DMXL2: variants seen among roughly 807,000 people sequenced by gnomAD.
DMXL2 encodes Dmx like 2.
Under a neutral mutation model 331.1 loss-of-function variants are expected in DMXL2, and 103 were observed. The observed-to-expected ratio is 0.31, with a 90% CI of 0.27 to 0.37. DMXL2 has a LOEUF of 0.37. Among genes scored for constraint, DMXL2 ranks in the 10% least tolerant of loss-of-function variants. The probability of loss-of-function intolerance (pLI) is 1.00; values close to 1 mark genes in which losing one functional copy is unlikely to be tolerated. For missense variants in DMXL2, 3,171 were observed against 3,642.9 expected (o/e 0.87, Z 3.33); for synonymous variants, 1,281 against 1,252.1 (o/e 1.02, Z -0.49).
At chr15:51,531,745 C>A (rs1214488710) in intron 13 of DMXL2, among the ~76,000 whole-genome samples, 1 of 152,076 alleles carries the variant, frequency 6.6e-6, no homozygotes, top group Non-Finnish European at 1.5e-5. Flanking sequence ...AGAAGACATA[C>A]AAATGGCAAA....
chr15:51,472,224 A>G (rs748994189), intron 28 of DMXL2, among the ~76,000 whole-genome samples: 3 of 152,064 alleles, frequency 2.0e-5, no homozygotes, highest in Non-Finnish European at 4.4e-5. Context: ...ATTTTATCTC[A>G]ACTCTTCTAT....
At chr15:51,501,944 A>G (rs1470170703) in intron 17 of DMXL2, among the ~76,000 whole-genome samples, 2 of 138,758 alleles carry the variant, frequency 1.4e-5, no homozygotes, top group Non-Finnish European at 3.1e-5. Context: ...AAATTTCATT[A>G]TTTTGGCCGG....
At position 51,471,208 on chromosome 15, in the gene DMXL2, C is replaced by A. The variant is rs767792550; in HGVS notation, c.7392+15G>T. The stretch of plus-strand genomic sequence containing the variant: ...ATAGACTTCTCTTAAAGCTTGCATT[C>A]CTCACACTCCTTACCTTTGCAACAA... On this transcript the variant is annotated intron_variant, in intron 29 of 43. Coordinates refer to ENST00000560891, the MANE Select transcript of DMXL2 (RefSeq NM_001378457.1). 5.6e-6 allele frequency: 9 copies of A among 1,605,078 alleles called. No homozygotes were observed. The Admixed American group carries it at 1.3e-4, about 24-fold the overall frequency.
intron 1 of DMXL2, among the ~76,000 whole-genome samples, chr15:51,585,762 A>G (rs1314418157): frequency 6.6e-6 from 1 of 152,172 alleles, no homozygotes; most frequent in Admixed American, 6.5e-5. Flanking sequence ...TCCCTGTTCT[A>G]ATTTGTATTT....
Position 51,537,769 on chromosome 15 carries a change from A to G in DMXL2, c.1346-10T>C. On this transcript the variant is annotated splice_polypyrimidine_tract_variant and intron_variant, in intron 10 of 43. Transcript: ENST00000560891. ...CTATCCAGGGATAAATCTGAACCAG[A>G]AAATATATTTATCAATACAAGCATT... 7 of 1,607,096 alleles carry G rather than the reference A, an allele frequency of 4.4e-6. No individual in the cohort carries two copies. Among genetic ancestry groups the G allele is most frequent in the Non-Finnish European group, 5.1e-6 (6 of 1,176,066 alleles).
intron 20 of DMXL2, among the ~76,000 whole-genome samples, chr15:51,490,551 A>G (rs1215488845): frequency 1.3e-5 from 2 of 152,244 alleles, no homozygotes; most frequent in Admixed American, 1.3e-4. Context: ...GAAAAGGCAC[A>G]GGCTAAATCT....
intron 23 of DMXL2, among the ~76,000 whole-genome samples, chr15:51,484,717 C>A (rs118049166): frequency 6.6e-6 from 1 of 152,134 alleles, no homozygotes; most frequent in Non-Finnish European, 1.5e-5. Context: ...TCTCCAGTAA[C>A]AGACCTTAGT....
At chr15:51,583,113 T>G (rs1480435188) in intron 1 of DMXL2, among the ~76,000 whole-genome samples, 3 of 40,268 alleles carry the variant, frequency 7.5e-5, no homozygotes, top group African/African-American at 2.1e-4. Flanking sequence ...CTTCTTTTTT[T>G]TTTTTTTCTT....
chr15:51,552,995 C>G (rs2049316378), intron 6 of DMXL2, among the ~76,000 whole-genome samples: 2 of 152,194 alleles, frequency 1.3e-5, no homozygotes, highest in South Asian at 2.1e-4. Flanking sequence ...CACTCTTTCC[C>G]CTGAACTTCA....
At chr15:51,456,615 T>C (rs562562380) in intron 37 of DMXL2, among the ~76,000 whole-genome samples, 2 of 152,276 alleles carry the variant, frequency 1.3e-5, no homozygotes, top group East Asian at 3.9e-4. Flanking sequence ...ATAAAGGAAC[T>C]CTTCTTCAAG....
rs1330688107 is a variant in DMXL2, at chr15:51,476,674, T to A, written c.6879A>T (p.Gly2293=). 2 of 1,609,564 alleles carry A rather than the reference T, an allele frequency of 1.2e-6. No homozygotes were observed. Among genetic ancestry groups the A allele is most frequent in the Admixed American group, 1.7e-5 (1 of 59,014 alleles). The part of the protein sequence containing the change: ...GNQFTGMAYQ[G]LLLSDRRRLR... ...GTCTTCTACGATCACTTAAAAGAAG[T>A]CCTTGATAAGCCATTCCTGTAAACT... Residue 2293 remains glycine, a synonymous_variant, in exon 27 of 44, where the codon GGA becomes GGT. Transcript: ENST00000560891.
At chr15:51,472,926 A>C (rs1408990548) in intron 28 of DMXL2, among the ~76,000 whole-genome samples, 2 of 152,142 alleles carry the variant, frequency 1.3e-5, no homozygotes, top group Non-Finnish European at 2.9e-5. Flanking sequence ...CTTTAGAACA[A>C]CTAACGCTTT....
Position 51,622,684 on chromosome 15 carries a change from C to A in DMXL2, c.-139G>T, listed in dbSNP as rs2054737715. On this transcript the variant is annotated 5_prime_UTR_variant, in exon 1 of 44. Transcript: ENST00000560891. ...CGGAGGCTCTGGCTTAACTCCTCGC[C>A]CCCCTTTCGCCTTCCCTCCGCCTCG... The A allele has an allele frequency of 7.1e-6, 10 of 1,410,736 alleles. No homozygotes were observed. Among genetic ancestry groups the A allele is most frequent in the Non-Finnish European group, 8.4e-6 (9 of 1,074,842 alleles). 87.4% of individuals were successfully genotyped at this position (1,410,736 alleles called of 1,614,324 possible). A position where few individuals can be genotyped will look rare whatever the true frequency, so the allele number is the denominator to read the frequency against.
chr15:51,606,662 T>C (rs536739567), intron 1 of DMXL2, among the ~76,000 whole-genome samples: 1 of 152,344 alleles, frequency 6.6e-6, no homozygotes, highest in East Asian at 1.9e-4. Flanking sequence ...GGCCTTAGGT[T>C]ATTCCTAAAA....
chr15:51,553,492 A>G (rs887177826), intron 6 of DMXL2, among the ~76,000 whole-genome samples: 1 of 152,164 alleles, frequency 6.6e-6, no homozygotes, highest in African/African-American at 2.4e-5. Flanking sequence ...AAAATCAAAC[A>G]ATATATATGT....
At position 51,480,624 on chromosome 15, in the gene DMXL2, T is replaced by A. The variant is rs779062720; in HGVS notation, c.6482A>T (p.Tyr2161Phe). The change falls in exon 24 of 44, where the codon TAC becomes TTC. Residue 2161 changes from tyrosine to phenylalanine, a missense_variant. Coordinates refer to ENST00000560891, the MANE Select transcript of DMXL2 (RefSeq NM_001378457.1). Reference protein sequence around the residue: ...NQDLLRVFLSYCSLHGAQGGG... With the variant: ...NQDLLRVFLSFCSLHGAQGGG... ...ACCTTGGGCCCCATGAAGGCTACAG[T>A]AGCTGAGAAATACTCTCAGGAGATC... 1.2e-6 allele frequency: 2 copies of A among 1,607,508 alleles called. No individual in the cohort carries two copies. Among genetic ancestry groups the A allele is most frequent in the South Asian group, 2.2e-5 (2 of 90,670 alleles).
chr15:51,564,762 T>C (rs1395200159), intron 4 of DMXL2, among the ~76,000 whole-genome samples: 1 of 152,100 alleles, frequency 6.6e-6, no homozygotes, highest in East Asian at 1.9e-4. Flanking sequence ...AATGATAAAA[T>C]GAGGTGAAGT....
At position 51,498,787 on chromosome 15, in the gene DMXL2, C is replaced by T. The variant is rs183800427; in HGVS notation, c.4437G>A (p.Thr1479=). ...TTTCAGGCTCTAAATCAATATCATC[C>T]GTTGGTATATCCTGGATTTGAAACA... ...SELFQIQDIP[T]DDIDLEPEKR... The change falls in exon 18 of 44, where the codon ACG becomes ACA. Residue 1479 remains threonine, a synonymous_variant. Coordinates refer to ENST00000560891, the MANE Select transcript of DMXL2 (RefSeq NM_001378457.1). The T allele has an allele frequency of 3.1e-6, 5 of 1,614,074 alleles. No homozygotes were observed. The highest frequency in any genetic ancestry group is 2.2e-5 in the East Asian group (1 of 44,870).
In DMXL2 at chr15:51,499,933, A is replaced by G; in HGVS notation, c.3291T>C (p.Ser1097=). 13 of 1,614,112 alleles carry G rather than the reference A, an allele frequency of 8.1e-6. No individual in the cohort carries two copies. The highest frequency in any genetic ancestry group is 1.1e-5 in the Non-Finnish European group (13 of 1,179,988). ...TACAAACATGCATGGAAAATTCTTTAGAAACAAAACCATTATGGTGGATAG... is the reference window on the plus strand; with the variant it reads ...TACAAACATGCATGGAAAATTCTTTGGAAACAAAACCATTATGGTGGATAG... ...KQPIHHNGFV[S]KEFSMHVCIF... Residue 1097 remains serine, a synonymous_variant, in exon 18 of 44, where the codon TCT becomes TCC. Coordinates refer to ENST00000560891, the MANE Select transcript of DMXL2 (RefSeq NM_001378457.1).
Sources: allele counts gnomAD v4.1 joint callset (sites outside exome capture counted in the v4.1 genomes callset), GRCh38; gene constraint gnomAD v4.1.1; transcripts MANE v1.5; gene names NCBI Gene and HGNC (gene_info 2026-07-23, HGNC 2026-07-21).